Variants in RAB38 observed in about 807,000 individuals in gnomAD.
The protein encoded by RAB38 is RAB38, member RAS oncogene family.
A neutral mutation model predicts 18.4 loss-of-function variants in RAB38; 15 were observed. The observed-to-expected ratio is 0.82, with a 90% confidence interval of 0.55 to 1.26. The LOEUF (loss-of-function observed/expected upper bound fraction) is 1.26. RAB38 is among the 50% of genes most tolerant of loss of function. RAB38 has a pLI of 0.00. For missense variants in RAB38, 294 were observed against 267.4 expected, an observed-to-expected ratio of 1.10 and a Z score of -0.69; for synonymous variants, 101 against 104.4, an observed-to-expected ratio of 0.97 and a Z score of 0.20.
chr11:87,941,196 A>G, the RAB38 span, among the ~76,000 whole-genome samples: 1 of 106,862 alleles, frequency 9.4e-6, no homozygotes, highest in Admixed American at 1.1e-4. Flanking sequence ...TAGGATATAT[A>G]TTTTTATAAA....
chr11:87,804,718 G>A, the RAB38 span, among the ~76,000 whole-genome samples: 1 of 151,980 alleles, frequency 6.6e-6, no homozygotes, highest in Non-Finnish European at 1.5e-5. Flanking sequence ...CCTTCTGCTG[G>A]GATATCTGCT....
At chr11:88,026,313 C>CA in the RAB38 span, among the ~76,000 whole-genome samples, 2,584 of 151,880 alleles carry the variant, frequency 0.017, 71 homozygotes, top group African/African-American at 0.06. Context: ...CCTGTAATCC[C>CA]AGCACTTTGA....
the RAB38 span, among the ~76,000 whole-genome samples, chr11:87,883,614 A>G: frequency 6.6e-6 from 1 of 151,954 alleles, no homozygotes; most frequent in African/African-American, 2.4e-5. Context: ...ATTCAAGTTA[A>G]GGACCTTGAG....
At chr11:88,122,978 C>T (rs1942648721) in intron 2 of RAB38, among the ~76,000 whole-genome samples, 1 of 152,164 alleles carries the variant, frequency 6.6e-6, no homozygotes, top group South Asian at 2.1e-4. Context: ...AGCCTCTACT[C>T]CTTAACTTAA....
chr11:88,058,735 C>A, the RAB38 span, among the ~76,000 whole-genome samples: 1 of 152,060 alleles, frequency 6.6e-6, no homozygotes, highest in Admixed American at 6.5e-5. Context: ...TTATATTAAA[C>A]CTTATCCTCT....
At chr11:87,930,910 T>G in the RAB38 span, among the ~76,000 whole-genome samples, 312 of 152,304 alleles carry the variant, frequency 2.0e-3, no homozygotes, top group African/African-American at 7.4e-3. Context: ...CTCTGTTCTG[T>G]TCCATTGGTC....
the RAB38 span, among the ~76,000 whole-genome samples, chr11:87,964,860 T>C: frequency 1.3e-5 from 2 of 152,152 alleles, no homozygotes; most frequent in East Asian, 1.9e-4. Flanking sequence ...CTTATTTCAC[T>C]AAAAAAATTT....
At chr11:88,146,928 G>A (rs2134822349) in intron 2 of RAB38, among the ~76,000 whole-genome samples, 1 of 152,274 alleles carries the variant, frequency 6.6e-6, no homozygotes, top group East Asian at 1.9e-4. Context: ...GGGATTTGGA[G>A]GATTAGAAAT....
chr11:87,843,689 T>C, the RAB38 span, among the ~76,000 whole-genome samples: 2 of 152,242 alleles, frequency 1.3e-5, no homozygotes, highest in Non-Finnish European at 2.9e-5. Context: ...ACAAGTAAAG[T>C]AACCTCTGTA....
chr11:87,937,962 A>T, the RAB38 span, among the ~76,000 whole-genome samples: 1 of 149,786 alleles, frequency 6.7e-6, no homozygotes, highest in East Asian at 2.0e-4. Context: ...TATCTGTTGA[A>T]TATCTTTTTT....
the RAB38 span, among the ~76,000 whole-genome samples, chr11:87,862,355 T>C: frequency 7.2e-5 from 11 of 152,004 alleles, no homozygotes; most frequent in Admixed American, 2.6e-4. Context: ...TCATGTCCTT[T>C]GCTGGGGCAT....
chr11:87,842,877 CAAA>C, the RAB38 span, among the ~76,000 whole-genome samples: 146 of 151,032 alleles, frequency 9.7e-4, no homozygotes, highest in East Asian at 0.026. Context: ...GTTTGAGAAA[CAAA>C]AAACATTTTT....
the RAB38 span, among the ~76,000 whole-genome samples, chr11:87,902,006 A>G: frequency 1.3e-5 from 2 of 151,354 alleles, no homozygotes; most frequent in South Asian, 4.1e-4. Flanking sequence ...CATGACAGAA[A>G]GTGTAAAGAT....
At chr11:88,045,570 A>G in the RAB38 span, among the ~76,000 whole-genome samples, 1 of 152,292 alleles carries the variant, frequency 6.6e-6, no homozygotes, top group Non-Finnish European at 1.5e-5. Context: ...TGGACTGTTC[A>G]ACTCACCTGG....
chr11:87,826,931 T>A, the RAB38 span, among the ~76,000 whole-genome samples: 1 of 152,156 alleles, frequency 6.6e-6, no homozygotes, highest in Non-Finnish European at 1.5e-5. Flanking sequence ...GAATAAATTA[T>A]ATATAGAATA....
At chr11:87,860,714 T>C in the RAB38 span, among the ~76,000 whole-genome samples, 1 of 151,922 alleles carries the variant, frequency 6.6e-6, no homozygotes, top group African/African-American at 2.4e-5. Flanking sequence ...AAACTTCAAA[T>C]TGTTTTGATA....
the RAB38 span, among the ~76,000 whole-genome samples, chr11:87,976,554 A>C: frequency 1.6e-5 from 2 of 126,032 alleles, no homozygotes; most frequent in African/African-American, 6.0e-5. Context: ...TTTTATATAT[A>C]CTTATATAAC....
At chr11:87,865,884 G>A in the RAB38 span, among the ~76,000 whole-genome samples, 23 of 151,796 alleles carry the variant, frequency 1.5e-4, no homozygotes, top group Non-Finnish European at 2.5e-4. Flanking sequence ...CTATGTTGGT[G>A]CAACAGCAGA....
the RAB38 span, among the ~76,000 whole-genome samples, chr11:87,846,867 C>T: frequency 6.6e-6 from 1 of 151,838 alleles, no homozygotes; most frequent in East Asian, 1.9e-4. Flanking sequence ...ACATTAGAAC[C>T]AAATAGCAGT....
Sources: gnomAD v4.1 joint callset for allele counts (sites outside exome capture counted in the v4.1 genomes callset) on GRCh38, gnomAD v4.1.1 for gene constraint, MANE v1.5 for transcripts, NCBI Gene and HGNC (gene_info 2026-07-23, HGNC 2026-07-21) for gene names.